BMAL1: variants seen among roughly 807,000 people sequenced by gnomAD.
BMAL1 encodes the protein basic helix-loop-helix ARNT like 1.
the BMAL1 span, chr11:13,354,441 G>A: frequency 6.8e-6 from 11 of 1,613,914 alleles, no homozygotes; most frequent in South Asian, 1.2e-4. Context: ...CAGCTCCACT[G>A]ACTACCAGTA....
the BMAL1 span, among the ~76,000 whole-genome samples, chr11:13,300,663 A>C: frequency 6.6e-6 from 1 of 152,254 alleles, no homozygotes; most frequent in Non-Finnish European, 1.5e-5. Context: ...GGATATTTTT[A>C]GAAATGCCCT....
At chr11:13,361,782 C>T in the BMAL1 span, among the ~76,000 whole-genome samples, 1 of 152,114 alleles carries the variant, frequency 6.6e-6, no homozygotes, top group Non-Finnish European at 1.5e-5. Flanking sequence ...TGCACTCAGC[C>T]ACACCAAGCT....
chr11:13,347,035 C>T, the BMAL1 span, among the ~76,000 whole-genome samples: 3 of 152,094 alleles, frequency 2.0e-5, no homozygotes, highest in Admixed American at 1.3e-4. Context: ...AACAGTTTTC[C>T]AGAAATAATG....
the BMAL1 span, chr11:13,358,645 C>G: frequency 6.9e-7 from 1 of 1,455,168 alleles, no homozygotes; most frequent in Non-Finnish European, 9.1e-7. Context: ...ATGTTACCAC[C>G]CTTGCCTAGA....
chr11:13,352,345 T>C, the BMAL1 span, among the ~76,000 whole-genome samples: 19 of 152,210 alleles, frequency 1.2e-4, no homozygotes, highest in Non-Finnish European at 2.6e-4. Flanking sequence ...TCTCCAGCCA[T>C]GTCCTGTTAC....
At chr11:13,306,377 C>G in the BMAL1 span, among the ~76,000 whole-genome samples, 1 of 152,252 alleles carries the variant, frequency 6.6e-6, no homozygotes, top group African/African-American at 2.4e-5. Context: ...ACAGGAAGTT[C>G]CATGAGGACA....
chr11:13,375,758 G>A, the BMAL1 span: 1 of 1,559,076 alleles, frequency 6.4e-7, no homozygotes, highest in Non-Finnish European at 8.6e-7. Context: ...TAACACTGTT[G>A]TTTTGTAAGT....
chr11:13,343,964 G>A, the BMAL1 span, among the ~76,000 whole-genome samples: 2 of 152,086 alleles, frequency 1.3e-5, no homozygotes, highest in African/African-American at 2.4e-5. Context: ...TTAATTTGGG[G>A]ATCCACAAGC....
the BMAL1 span, among the ~76,000 whole-genome samples, chr11:13,375,429 A>G: frequency 6.6e-6 from 1 of 152,198 alleles, no homozygotes; most frequent in Non-Finnish European, 1.5e-5. Flanking sequence ...AATGAATTGA[A>G]AGGCTCTGAG....
the BMAL1 span, among the ~76,000 whole-genome samples, chr11:13,337,030 G>A: frequency 6.6e-6 from 1 of 152,172 alleles, no homozygotes; most frequent in East Asian, 1.9e-4. Flanking sequence ...AACCTCATAA[G>A]AGAAAGTTTG....
At chr11:13,291,466 G>A in the BMAL1 span, among the ~76,000 whole-genome samples, 1 of 152,206 alleles carries the variant, frequency 6.6e-6, no homozygotes, top group African/African-American at 2.4e-5. Flanking sequence ...GCTGTTGTCA[G>A]TAGAGTTGGG....
chr11:13,362,063 G>A, the BMAL1 span, among the ~76,000 whole-genome samples: 1,384 of 152,262 alleles, frequency 9.1e-3, 8 homozygotes, highest in Non-Finnish European at 0.012. Flanking sequence ...AAGGGGCCTG[G>A]GAATGGTGTT....
the BMAL1 span, among the ~76,000 whole-genome samples, chr11:13,304,131 G>A: frequency 1.3e-5 from 2 of 152,022 alleles, no homozygotes; most frequent in Non-Finnish European, 2.9e-5. Context: ...AAGGAGGAAC[G>A]ACAGGATCTG....
the BMAL1 span, among the ~76,000 whole-genome samples, chr11:13,282,850 A>G: frequency 3.3e-5 from 5 of 152,216 alleles, no homozygotes; most frequent in South Asian, 2.1e-4. Context: ...TGGTTGTCCA[A>G]TGCACATTGA....
chr11:13,292,387 C>CA, the BMAL1 span, among the ~76,000 whole-genome samples: 2,192 of 147,312 alleles, frequency 0.015, 63 homozygotes, highest in African/African-American at 0.05. Flanking sequence ...ACTAAAAATA[C>CA]AAAAAAAAAA....
chr11:13,321,280 G>A, the BMAL1 span, among the ~76,000 whole-genome samples: 1 of 152,146 alleles, frequency 6.6e-6, no homozygotes, highest in African/African-American at 2.4e-5. Flanking sequence ...CTTTTGGGTT[G>A]CCCATCAATG....
chr11:13,292,273 G>A, the BMAL1 span, among the ~76,000 whole-genome samples: 3 of 151,940 alleles, frequency 2.0e-5, no homozygotes, highest in East Asian at 1.9e-4. Context: ...GGCCATCAAC[G>A]GTGGCTCACG....
chr11:13,343,856 A>T, the BMAL1 span, among the ~76,000 whole-genome samples: 1 of 152,110 alleles, frequency 6.6e-6, no homozygotes, highest in Non-Finnish European at 1.5e-5. Context: ...CCTGGTTTTG[A>T]TTGACAAAGT....
the BMAL1 span, among the ~76,000 whole-genome samples, chr11:13,335,944 GC>G: frequency 6.6e-6 from 1 of 152,204 alleles, no homozygotes; most frequent in East Asian, 1.9e-4. Flanking sequence ...TTTCAAGAGA[GC>G]TAAAGACATA....
Sources: allele counts gnomAD v4.1 joint callset (sites outside exome capture counted in the v4.1 genomes callset), GRCh38; gene constraint gnomAD v4.1.1; transcripts MANE v1.5; gene names NCBI Gene and HGNC (gene_info 2026-07-23, HGNC 2026-07-21).